The following MCTP1 variants were observed in gnomAD, a reference collection of about 807,000 sequenced individuals.
The protein encoded by MCTP1 is multiple C2 and transmembrane domain-containing protein 1.
In MCTP1, 69 loss-of-function variants were observed where a neutral mutation model predicts 120.6. The observed-to-expected ratio is 0.57, with a 90% CI of 0.47 to 0.70. MCTP1 has a LOEUF of 0.70. Among genes scored for constraint, MCTP1 ranks in the 30% least tolerant of loss-of-function variants. MCTP1 has a pLI of 0.00. For missense variants in MCTP1, 1,203 were observed against 1,248.8 expected (o/e 0.96, Z 0.55); for synonymous variants, 529 against 493.1 (o/e 1.07, Z -0.96).
chr5:94,899,604 A>C (rs970451179), intron 10 of MCTP1, among the ~76,000 whole-genome samples: 1 of 152,220 alleles, frequency 6.6e-6, no homozygotes, highest in Admixed American at 6.5e-5. Flanking sequence ...GCTGCATGAA[A>C]CAATGCAGAA....
chr5:94,933,389 T>C (rs1232546410), intron 5 of MCTP1, among the ~76,000 whole-genome samples: 7 of 151,726 alleles, frequency 4.6e-5, no homozygotes, highest in African/African-American at 1.7e-4. Flanking sequence ...ATCAGTATCA[T>C]CATCATCATC....
intron 1 of MCTP1, among the ~76,000 whole-genome samples, chr5:95,053,479 G>A (rs73138090): frequency 0.036 from 5,484 of 152,180 alleles, 104 homozygotes; most frequent in African/African-American, 0.049. Flanking sequence ...AGCTTAATAC[G>A]CACAGGAATC....
At chr5:94,955,861 T>C (rs975179867) in intron 2 of MCTP1, among the ~76,000 whole-genome samples, 6 of 152,232 alleles carry the variant, frequency 3.9e-5, no homozygotes, top group South Asian at 2.1e-4. Context: ...TAAAAGTTCC[T>C]GCCTGCCAGC....
chr5:95,117,218 G>C (rs192882771), intron 1 of MCTP1, among the ~76,000 whole-genome samples: 3 of 151,842 alleles, frequency 2.0e-5, no homozygotes, highest in African/African-American at 7.2e-5. Context: ...GTGAAACCCC[G>C]TCTCTACTAA....
chr5:95,259,480 G>A (rs984964570), intron 1 of MCTP1, among the ~76,000 whole-genome samples: 1 of 152,086 alleles, frequency 6.6e-6, no homozygotes, highest in African/African-American at 2.4e-5. Context: ...ATGTTACTCT[G>A]GGGTTTCTCC....
chr5:94,715,996 G>A (rs1049198985), intron 19 of MCTP1, among the ~76,000 whole-genome samples: 2 of 152,218 alleles, frequency 1.3e-5, no homozygotes, highest in Non-Finnish European at 2.9e-5. Flanking sequence ...CATTTCAGAA[G>A]AGTCTAAAGC....
intron 1 of MCTP1, among the ~76,000 whole-genome samples, chr5:95,064,111 T>C (rs1009517695): frequency 2.0e-5 from 3 of 152,220 alleles, no homozygotes; most frequent in African/African-American, 4.8e-5. Flanking sequence ...TATTGGAAAA[T>C]TATAGGCTCC....
At chr5:94,844,301 C>CAAAAAAAAAAAAAAAAAAAAAAAAA (rs59169145) in intron 17 of MCTP1, among the ~76,000 whole-genome samples, 11 of 79,704 alleles carry the variant, frequency 1.4e-4, no homozygotes, top group Non-Finnish European at 1.8e-4. Context: ...GACTCTGTCT[C>CAAAAAAAAAAAAAAAAAAAAAAAAA]AAAAAAAAAA....
chr5:94,965,198 G>A (rs569910624), intron 2 of MCTP1, among the ~76,000 whole-genome samples: 9 of 152,226 alleles, frequency 5.9e-5, no homozygotes, highest in African/African-American at 1.9e-4. Flanking sequence ...CTTCATTTCT[G>A]AAGGAAAGAC....
At chr5:94,778,959 C>A in intron 19 of MCTP1, 151 bp downstream of exon 19, 1 of 663,472 alleles carries the variant, frequency 1.5e-6, no homozygotes, top group Non-Finnish European at 2.7e-6. Context: ...TCCCTCTTTG[C>A]AACACGCAGT....
intron 19 of MCTP1, among the ~76,000 whole-genome samples, chr5:94,771,216 C>T (rs551147300): frequency 1.1e-3 from 168 of 152,084 alleles, no homozygotes; most frequent in African/African-American, 4.0e-3. Flanking sequence ...ACTTTATAGT[C>T]TCTGTAAAAT....
At chr5:94,939,889 C>G (rs995526309) in intron 5 of MCTP1, among the ~76,000 whole-genome samples, 195 bp downstream of exon 5, 31 of 152,056 alleles carry the variant, frequency 2.0e-4, no homozygotes, top group African/African-American at 7.5e-4. Flanking sequence ...AGGTTCTGAT[C>G]TGGAGGATGT....
intron 8 of MCTP1, 39 bp downstream of exon 8, chr5:94,917,857 G>A (rs1810504115): frequency 1.3e-6 from 2 of 1,550,278 alleles, no homozygotes; most frequent in Admixed American, 1.7e-5. Flanking sequence ...GCTCATGCAA[G>A]CTCAGAAAAA....
intron 17 of MCTP1, among the ~76,000 whole-genome samples, chr5:94,811,049 C>T (rs927328290): frequency 1.3e-5 from 2 of 152,170 alleles, no homozygotes; most frequent in Non-Finnish European, 2.9e-5. Flanking sequence ...TTCTCCTTCA[C>T]TGGTCTCATT....
intron 17 of MCTP1, among the ~76,000 whole-genome samples, chr5:94,846,844 T>G (rs1235479065): frequency 1.3e-5 from 2 of 148,672 alleles, no homozygotes; most frequent in Non-Finnish European, 3.0e-5. Context: ...TGTGTGTGTG[T>G]GGTCTTCTAA....
chr5:95,244,797 A>T (rs1756566346), intron 1 of MCTP1, among the ~76,000 whole-genome samples: 1 of 152,194 alleles, frequency 6.6e-6, no homozygotes, highest in African/African-American at 2.4e-5. Context: ...GCTTCTGCAG[A>T]TGTAAACGTC....
In MCTP1 at chr5:94,707,126, TC is replaced by T. The variant is rs1754812397; in HGVS notation, c.*369del. The T allele has an allele frequency of 6.3e-6, 1 of 158,598 alleles. No individual in the cohort carries two copies. Among genetic ancestry groups the T allele is most frequent in the East Asian group, 1.8e-4 (1 of 5,532 alleles). 9.8% of individuals were successfully genotyped at this position (158,598 alleles called of 1,614,324 possible). ...GTCGCATTAAAAAAAAACTTTAAAA[TC>T]AAATCGACATTTACAATTGATGTAG... On this transcript the variant is annotated 3_prime_UTR_variant, in exon 23 of 23. Transcript: ENST00000515393.
chr5:95,054,168 A>G (rs1267935763), intron 1 of MCTP1, among the ~76,000 whole-genome samples: 2 of 152,218 alleles, frequency 1.3e-5, no homozygotes, highest in Non-Finnish European at 2.9e-5. Context: ...AATACAACAC[A>G]ATAGAATAGA....
intron 1 of MCTP1, among the ~76,000 whole-genome samples, chr5:95,109,113 A>G (rs565568368): frequency 6.6e-6 from 1 of 152,338 alleles, no homozygotes; most frequent in Admixed American, 6.5e-5. Context: ...GCTGAGGTCA[A>G]TGACATTTTT....
Sources: allele counts gnomAD v4.1 joint callset (sites outside exome capture counted in the v4.1 genomes callset), GRCh38; gene constraint gnomAD v4.1.1; transcripts MANE v1.5; gene names NCBI Gene and HGNC (gene_info 2026-07-23, HGNC 2026-07-21).